The following GRID2 variants were observed in gnomAD, a reference collection of about 807,000 sequenced individuals.
The protein encoded by GRID2 is glutamate receptor ionotropic, delta-2.
A neutral mutation model predicts 114.8 loss-of-function variants in GRID2; 33 were observed. That is an observed-to-expected ratio of 0.29 (90% CI 0.22 to 0.38). The LOEUF is 0.38. Ranked by LOEUF, GRID2 falls within the 10% of genes least tolerant of loss-of-function variation. GRID2 has a pLI of 1.00. For missense variants in GRID2, 1,184 were observed against 1,257.7 expected, an observed-to-expected ratio of 0.94 and a Z score of 0.89; for synonymous variants, 505 against 449.9, an observed-to-expected ratio of 1.12 and a Z score of -1.55.
chr4:93,353,430 TAGG>T (rs1231635873), intron 8 of GRID2, among the ~76,000 whole-genome samples: 2 of 151,984 alleles, frequency 1.3e-5, no homozygotes, highest in African/African-American at 4.8e-5. Context: ...AAAGAATGGC[TAGG>T]AGATCAGATA....
chr4:93,188,691 T>G (rs573128752), intron 4 of GRID2, among the ~76,000 whole-genome samples: 14 of 152,272 alleles, frequency 9.2e-5, no homozygotes, highest in Admixed American at 6.5e-4. Context: ...TGATTATAAT[T>G]TTTTCTTTAA....
At chr4:92,510,748 C>A (rs753860422) in intron 1 of GRID2, among the ~76,000 whole-genome samples, 1 of 151,132 alleles carries the variant, frequency 6.6e-6, no homozygotes, top group Admixed American at 6.6e-5. Flanking sequence ...ATGATAAATT[C>A]ATGAGGTAAT....
At chr4:93,024,666 A>G (rs1477269441) in intron 2 of GRID2, among the ~76,000 whole-genome samples, 2 of 151,806 alleles carry the variant, frequency 1.3e-5, no homozygotes, top group African/African-American at 2.4e-5. Context: ...GCACTTGTCA[A>G]AATTAATGAC....
At chr4:93,725,389 G>T (rs1729773476) in intron 14 of GRID2, among the ~76,000 whole-genome samples, 1 of 152,136 alleles carries the variant, frequency 6.6e-6, no homozygotes, top group Non-Finnish European at 1.5e-5. Context: ...ATCCTTGTTG[G>T]ACATTTGGGT....
intron 1 of GRID2, among the ~76,000 whole-genome samples, chr4:92,571,705 A>G (rs1361164553): frequency 6.6e-6 from 1 of 152,164 alleles, no homozygotes; most frequent in Non-Finnish European, 1.5e-5. Flanking sequence ...AGTGCAATCA[A>G]ACTAGAACTC....
chr4:92,907,387 C>A (rs763720649), intron 2 of GRID2, among the ~76,000 whole-genome samples: 1 of 151,986 alleles, frequency 6.6e-6, no homozygotes, highest in African/African-American at 2.4e-5. Flanking sequence ...ATCTACCTGT[C>A]CTAGAAACCA....
intron 2 of GRID2, among the ~76,000 whole-genome samples, chr4:92,739,886 C>T (rs1332894609): frequency 1.3e-5 from 2 of 151,888 alleles, no homozygotes; most frequent in Non-Finnish European, 2.9e-5. Context: ...CTGATATTAC[C>T]AGTATAAGAA....
intron 1 of GRID2, among the ~76,000 whole-genome samples, chr4:92,358,505 G>C (rs560284769): frequency 6.6e-6 from 1 of 151,994 alleles, no homozygotes; most frequent in African/African-American, 2.4e-5. Context: ...CAAGGAAGAG[G>C]AATTAGGGAA....
intron 1 of GRID2, among the ~76,000 whole-genome samples, chr4:92,344,910 G>C (rs562167517): frequency 6.6e-6 from 1 of 152,040 alleles, no homozygotes; most frequent in Non-Finnish European, 1.5e-5. Context: ...CAATAGTTTT[G>C]TGGGTCCAGG....
Position 92,493,664 on chromosome 4 carries a change from CA to C in GRID2, c.89-96466del, listed in dbSNP as rs553658303. On this transcript the variant is annotated intron_variant, in intron 1 of 15. Coordinates refer to ENST00000282020, the MANE Select transcript of GRID2 (RefSeq NM_001510.4). ...TATTTCACTTCCTTTATTTGTCTCT[CA>C]TTGACTCCCGTTGGCCTTAGGATAA... Among the ~76,000 whole-genome samples the C allele has an allele frequency of 1.7e-3, 265 of 152,276 alleles. 2 individuals carry two copies. Among genetic ancestry groups the C allele is most frequent in the Middle Eastern group, 6.8e-3 (2 of 294 alleles).
At chr4:92,646,991 A>C (rs1465717094) in intron 2 of GRID2, among the ~76,000 whole-genome samples, 1 of 151,810 alleles carries the variant, frequency 6.6e-6, no homozygotes. Flanking sequence ...TGTTTTTGTA[A>C]TTTCGGTAGT....
intron 1 of GRID2, among the ~76,000 whole-genome samples, chr4:92,448,555 AGTACAC>A (rs1733589464): frequency 6.6e-6 from 1 of 152,198 alleles, no homozygotes; most frequent in Non-Finnish European, 1.5e-5. Context: ...TTAGGAAAAT[AGTACAC>A]AAGTACTAAA....
intron 4 of GRID2, among the ~76,000 whole-genome samples, chr4:93,155,170 CCTT>C (rs1287309097): frequency 6.6e-6 from 1 of 151,850 alleles, no homozygotes; most frequent in Non-Finnish European, 1.5e-5. Flanking sequence ...CATGATCTCA[CCTT>C]CTCTTTATTC....
At position 93,420,556 on chromosome 4, in the gene GRID2, TATG is replaced by T. The variant is rs755288422; in HGVS notation, c.1348-2211_1348-2209del. On this transcript the variant is annotated intron_variant, in intron 9 of 15. Transcript: ENST00000282020. Reference sequence around the variant, plus strand: ...TTGCTTGTTCACTTTTCACTTGTATTATGATGTCATTTAAACAAGTCAGTATTA... The same window carrying T: ...TTGCTTGTTCACTTTTCACTTGTATTATGTCATTTAAACAAGTCAGTATTA... Among the ~76,000 whole-genome samples the T allele has an allele frequency of 6.6e-5, 10 of 152,232 alleles. No individual in the cohort carries two copies. In the East Asian group the frequency reaches 1.5e-3, roughly 24 times the overall value.
chr4:92,456,483 A>G (rs1238115110), intron 1 of GRID2, among the ~76,000 whole-genome samples: 3 of 152,132 alleles, frequency 2.0e-5, no homozygotes, highest in South Asian at 4.1e-4. Flanking sequence ...CTCTTTTTCT[A>G]CTAAATTCAA....
intron 8 of GRID2, among the ~76,000 whole-genome samples, chr4:93,255,706 C>G (rs1579443435): frequency 6.6e-6 from 1 of 152,046 alleles, no homozygotes; most frequent in African/African-American, 2.4e-5. Flanking sequence ...TGTCTACTTC[C>G]CCTTTGAACT....
intron 14 of GRID2, among the ~76,000 whole-genome samples, chr4:93,691,325 G>A (rs1380262055): frequency 1.3e-5 from 2 of 152,088 alleles, no homozygotes; most frequent in African/African-American, 2.4e-5. Flanking sequence ...ATTATTCAAA[G>A]CGTTTTATGG....
rs188791279 is a variant in GRID2 at position 93,572,210 on chromosome 4, C to T, written c.2194-54059C>T. Among the ~76,000 whole-genome samples, 17 of 152,156 alleles carry T rather than the reference C, an allele frequency of 1.1e-4. No homozygotes were observed. The East Asian group carries it at 2.3e-3, about 21-fold the overall frequency. The stretch of plus-strand genomic sequence containing the variant: ...GGCAAAACTCTTGAACTATCTGATA[C>T]GTCTATTTCATATAAAATGCAAAAA... On this transcript the variant is annotated intron_variant, in intron 13 of 15. Transcript: ENST00000282020.
intron 2 of GRID2, among the ~76,000 whole-genome samples, chr4:92,676,555 T>C (rs949869708): frequency 2.6e-5 from 4 of 152,098 alleles, no homozygotes; most frequent in Non-Finnish European, 5.9e-5. Context: ...TCTTTGTATG[T>C]CCTTGAAGTT....
Sources: gnomAD v4.1 joint callset for allele counts (sites outside exome capture counted in the v4.1 genomes callset) on GRCh38, gnomAD v4.1.1 for gene constraint, MANE v1.5 for transcripts, NCBI Gene and HGNC (gene_info 2026-07-23, HGNC 2026-07-21) for gene names.